Variants in C2CD3 observed in about 807,000 individuals in gnomAD.
C2CD3 encodes the protein C2 domain containing 3 centriole elongation regulator, also known as C2 domain-containing protein 3.
Under a neutral mutation model 234.0 loss-of-function variants are expected in C2CD3, and 148 were observed. The ratio of observed to expected loss-of-function variants is 0.63; its 90% CI spans 0.55 to 0.72. The LOEUF is 0.72. C2CD3 is among the 30% of genes least tolerant of loss of function. C2CD3 has a pLI of 0.00. For synonymous variants in C2CD3, 1,000 were observed against 1,035.4 expected, an observed-to-expected ratio of 0.97 and a Z score of 0.66; for missense variants, 2,577 against 2,811.5, an observed-to-expected ratio of 0.92 and a Z score of 1.89.
At chr11:74,043,455 GT>G (rs1180953958) in intron 28 of C2CD3, among the ~76,000 whole-genome samples, 1 of 152,196 alleles carries the variant, frequency 6.6e-6, no homozygotes, top group African/African-American at 2.4e-5. Flanking sequence ...ACGTGTACAA[GT>G]TTTTGTGTGG....
rs1032629667 is a variant in C2CD3 at position 74,161,325 on chromosome 11, T to C, written c.483+74A>G. ...TATACAGGAGCCATGGACCTATCCATTCTACAAACAGACTCAACTATTTCT... is the reference window on the plus strand; with the variant it reads ...TATACAGGAGCCATGGACCTATCCACTCTACAAACAGACTCAACTATTTCT... On this transcript the variant is annotated intron_variant, in intron 3 of 32. Coordinates refer to ENST00000334126, the MANE Select transcript of C2CD3 (RefSeq NM_001286577.2). 1.5e-5 allele frequency: 13 copies of C among 862,654 alleles called. No individual in the cohort carries two copies. The African/African-American group carries it at 1.9e-4, about 13-fold the overall frequency. The allele number at this position is 862,654 out of a possible 1,614,324, so 53.4% of individuals were successfully genotyped here.
chr11:74,168,341 T>C lies in C2CD3; in HGVS notation c.325+3A>G, dbSNP rs765741516. 9.3e-6 allele frequency: 15 copies of C among 1,611,026 alleles called. No homozygotes were observed. The South Asian group carries it at 1.4e-4, about 15-fold the overall frequency. ...CAGGTGCAATGATAAAACAATAACA[T>C]ACCTGTTAGATAAGAGGTAAACTGT... On this transcript the variant is annotated splice_donor_region_variant and intron_variant, in intron 2 of 32. Coordinates refer to ENST00000334126, the MANE Select transcript of C2CD3 (RefSeq NM_001286577.2).
intron 11 of C2CD3, chr11:74,109,506 T>C (rs1276265694): frequency 5.7e-6 from 1 of 174,490 alleles, no homozygotes; most frequent in Admixed American, 6.3e-5. Flanking sequence ...GGTAGTATAC[T>C]AAAAGAAGGG....
chr11:74,085,722 C>T lies in C2CD3; in HGVS notation c.3806G>A (p.Cys1269Tyr), dbSNP rs1289381255. ...ACTACAGTGCTGAGTCACCAAGTTA[C>T]ATGTGAACTCAACGTGATGGGAGAA... ...PEFSHHVEFT[C>Y]NLVTQHCSGE... is the part of the protein sequence containing the mutation. The change falls in exon 21 of 33, where the codon TGT becomes TAT. Residue 1269 changes from cysteine (C) to tyrosine (Y), a missense_variant. Transcript: ENST00000334126. 2.2e-5 allele frequency: 36 copies of T among 1,614,036 alleles called. No individual in the cohort carries two copies. Among genetic ancestry groups the T allele is most frequent in the Non-Finnish European group, 3.1e-5 (36 of 1,180,046 alleles).
intron 3 of C2CD3, among the ~76,000 whole-genome samples, chr11:74,158,526 C>G (rs1046502753): frequency 6.6e-6 from 1 of 152,006 alleles, no homozygotes; most frequent in African/African-American, 2.4e-5. Flanking sequence ...AGTTCGAGAC[C>G]AGCCTGGCCA....
chr11:74,156,154 G>C (rs2135563424), intron 3 of C2CD3, among the ~76,000 whole-genome samples: 1 of 152,116 alleles, frequency 6.6e-6, no homozygotes, highest in South Asian at 2.1e-4. Flanking sequence ...CACGCCTGTA[G>C]TCCCAGCTAC....
intron 7 of C2CD3, among the ~76,000 whole-genome samples, chr11:74,126,765 C>T (rs1957426552): frequency 6.6e-6 from 1 of 151,922 alleles, no homozygotes; most frequent in South Asian, 2.1e-4. Flanking sequence ...AATAAAAAGA[C>T]TAAATAAATA....
chr11:74,160,378 T>C (rs1856374766), intron 3 of C2CD3, among the ~76,000 whole-genome samples: 1 of 152,108 alleles, frequency 6.6e-6, no homozygotes, highest in Non-Finnish European at 1.5e-5. Context: ...AAAAAATGTA[T>C]ATATACACGA....
intron 32 of C2CD3, among the ~76,000 whole-genome samples, chr11:74,024,176 C>T (rs1952199990): frequency 6.6e-6 from 1 of 152,180 alleles, no homozygotes; most frequent in Non-Finnish European, 1.5e-5. Context: ...GGTCATGTTA[C>T]ATCCAGTGCA....
chr11:74,095,392 T>C lies in C2CD3; in HGVS notation c.2996A>G (p.Asn999Ser). Reference protein sequence around the residue: ...ASVAMAEDRGNGLMEHCFEIH... With the variant: ...ASVAMAEDRGSGLMEHCFEIH... ...CTCAAAGCAGTGCTCCATCAGTCCATTTCCTCGGTCCTCTGCCTATTAAAT... is the reference window on the plus strand; with the variant it reads ...CTCAAAGCAGTGCTCCATCAGTCCACTTCCTCGGTCCTCTGCCTATTAAAT... Residue 999 changes from asparagine to serine, a missense_variant, in exon 17 of 33, where the codon AAT becomes AGT. Coordinates refer to ENST00000334126, the MANE Select transcript of C2CD3 (RefSeq NM_001286577.2). 1 of 1,612,724 alleles carries C rather than the reference T, an allele frequency of 6.2e-7. No individual in the cohort carries two copies.
chr11:74,042,320 T>A, intron 28 of C2CD3, 102 bp from the exon 29 acceptor site: 2 of 1,179,384 alleles, frequency 1.7e-6, no homozygotes, highest in Non-Finnish European at 2.4e-6. Flanking sequence ...TGAAATGGAA[T>A]GCAAATCTAT....
chr11:74,103,688 G>A, intron 13 of C2CD3, 63 bp from the exon 14 acceptor site: 2 of 1,393,626 alleles, frequency 1.4e-6, no homozygotes, highest in East Asian at 2.3e-5. Context: ...TTAGAATTTT[G>A]AGGCTGGAAA....
At chr11:74,076,773 C>A (rs896524820) in intron 23 of C2CD3, among the ~76,000 whole-genome samples, 1 of 152,180 alleles carries the variant, frequency 6.6e-6, no homozygotes, top group Non-Finnish European at 1.5e-5. Flanking sequence ...ATCTCTCTTT[C>A]CCCCTTTCCT....
intron 7 of C2CD3, among the ~76,000 whole-genome samples, chr11:74,131,052 G>A (rs1250750401): frequency 6.6e-6 from 1 of 151,586 alleles, no homozygotes; most frequent in African/African-American, 2.4e-5. Flanking sequence ...TTGCTCAAGG[G>A]ATTCTCCTGC....
chr11:74,113,804 C>A lies in C2CD3; in HGVS notation c.1819G>T (p.Ala607Ser), dbSNP rs775190326. The A allele has an allele frequency of 1.9e-6, 3 of 1,609,960 alleles. No individual in the cohort carries two copies. Among genetic ancestry groups the A allele is most frequent in the Non-Finnish European group, 2.5e-6 (3 of 1,176,674 alleles). ...CTTCCATCTGTAATTTTACTGGAGG[C>A]GAGTCGAACAACCTCAGTGATCAAA... The part of the protein sequence containing the change: ...TALITEVVRL[A>S]SSKITDGKVK... The change falls in exon 11 of 33, where the codon GCC (alanine) becomes TCC (serine). Residue 607 changes from alanine to serine, a missense_variant. Physicochemically the swap from Ala to Ser is moderately conservative, Grantham distance 99. Coordinates refer to ENST00000334126, the MANE Select transcript of C2CD3 (RefSeq NM_001286577.2).
At chr11:74,110,829 A>T (rs1956715027) in intron 11 of C2CD3, among the ~76,000 whole-genome samples, 1 of 152,328 alleles carries the variant, frequency 6.6e-6, no homozygotes, top group South Asian at 2.1e-4. Flanking sequence ...GTTGAAAGGG[A>T]TCCAGATTAA....
intron 23 of C2CD3, among the ~76,000 whole-genome samples, chr11:74,074,901 T>A (rs1484879519): frequency 1.3e-5 from 2 of 150,900 alleles, no homozygotes; most frequent in Non-Finnish European, 2.9e-5. Flanking sequence ...TTGGGCAACA[T>A]GGTAAAACCC....
intron 32 of C2CD3, among the ~76,000 whole-genome samples, chr11:74,018,410 T>G (rs1951954908): frequency 6.6e-6 from 1 of 152,130 alleles, no homozygotes; most frequent in African/African-American, 2.4e-5. Flanking sequence ...CCCCCCTTCT[T>G]TGGTAACAGT....
chr11:74,151,501 A>T (rs1210689436), intron 3 of C2CD3, among the ~76,000 whole-genome samples: 1 of 151,538 alleles, frequency 6.6e-6, no homozygotes. Context: ...CAATTTTTGT[A>T]TTTTTTGTAG....
Sources: allele counts gnomAD v4.1 joint callset (sites outside exome capture counted in the v4.1 genomes callset), GRCh38; gene constraint gnomAD v4.1.1; transcripts MANE v1.5; gene names NCBI Gene and HGNC (gene_info 2026-07-23, HGNC 2026-07-21).